Variants in RTN1 observed in about 807,000 individuals in gnomAD.
RTN1 encodes reticulon-1.
A neutral mutation model predicts 65.5 loss-of-function variants in RTN1; 25 were observed. The observed-to-expected ratio is 0.38, with a 90% CI of 0.28 to 0.53. RTN1 has a LOEUF of 0.53. Among genes scored for constraint, RTN1 ranks in the 20% least tolerant of loss-of-function variants. RTN1 has a pLI of 0.79. For synonymous variants in RTN1, 471 were observed against 447.6 expected, an observed-to-expected ratio of 1.05 and a Z score of -0.66; for missense variants, 983 against 1,025.4, an observed-to-expected ratio of 0.96 and a Z score of 0.57.
chr14:59,812,681 A>G (rs1438379408), intron 1 of RTN1, among the ~76,000 whole-genome samples: 2 of 152,232 alleles, frequency 1.3e-5, no homozygotes, highest in Non-Finnish European at 2.9e-5. Flanking sequence ...AGTGTTTCTC[A>G]TGTATGAAAG....
intron 1 of RTN1, among the ~76,000 whole-genome samples, chr14:59,784,819 CTT>C (rs1166277521): frequency 6.6e-6 from 1 of 152,098 alleles, no homozygotes; most frequent in Non-Finnish European, 1.5e-5. Flanking sequence ...ATTAACGACA[CTT>C]TTGCTTCTGT....
Position 59,815,516 on chromosome 14 carries a change from G to A in RTN1, c.241+54874C>T, listed in dbSNP as rs527463610. Among the ~76,000 whole-genome samples, 5 of 152,260 alleles carry A rather than the reference G, an allele frequency of 3.3e-5. No homozygotes were observed. The South Asian group carries it at 8.3e-4, about 25-fold the overall frequency. Reference sequence around the variant, plus strand: ...GTGCTTTCTCTTCACAAGATTCTCAGATGGTAATTTATGCTGTCCTCACCT... The same window carrying A: ...GTGCTTTCTCTTCACAAGATTCTCAAATGGTAATTTATGCTGTCCTCACCT... On this transcript the variant is annotated intron_variant, in intron 1 of 8. Coordinates refer to ENST00000267484, the MANE Select transcript of RTN1 (RefSeq NM_021136.3).
chr14:59,752,323 C>A (rs1275549564), intron 1 of RTN1, among the ~76,000 whole-genome samples: 1 of 152,118 alleles, frequency 6.6e-6, no homozygotes. Context: ...CATCTTTTTG[C>A]TGTAATTTCA....
intron 1 of RTN1, among the ~76,000 whole-genome samples, chr14:59,752,684 G>A (rs1380040438): frequency 6.6e-6 from 1 of 152,012 alleles, no homozygotes; most frequent in Non-Finnish European, 1.5e-5. Context: ...TGATGCTTAT[G>A]TCTGGCACAC....
rs920275728 is a variant in RTN1 at position 59,825,861 on chromosome 14, C to A, written c.241+44529G>T. Among the ~76,000 whole-genome samples the A allele has an allele frequency of 2.0e-5, 3 of 152,192 alleles. No individual in the cohort carries two copies. The highest frequency in any genetic ancestry group is 2.0e-4 in the Admixed American group (3 of 15,286). On this transcript the variant is annotated intron_variant, in intron 1 of 8. Transcript: ENST00000267484. The surrounding 1 kb of genome is among the most constrained non-coding windows in gnomAD (Gnocchi z 4.2). ...CTGAACTCAGACCAGGAGCCTATAA[C>A]CTCGTTACAGGCCACTCACTCCAGG...
intron 3 of RTN1, among the ~76,000 whole-genome samples, chr14:59,648,090 G>A (rs1034278387): frequency 2.6e-5 from 4 of 152,138 alleles, no homozygotes; most frequent in Non-Finnish European, 5.9e-5. Flanking sequence ...AATCAGAAAT[G>A]ACAAATGGGA....
At chr14:59,772,059 C>A (rs1379360194) in intron 1 of RTN1, among the ~76,000 whole-genome samples, 1 of 152,198 alleles carries the variant, frequency 6.6e-6, no homozygotes, top group East Asian at 1.9e-4. Flanking sequence ...AATAGAACAT[C>A]TGAAGACAAT....
chr14:59,767,446 C>T (rs1335938754), intron 1 of RTN1, among the ~76,000 whole-genome samples: 2 of 152,180 alleles, frequency 1.3e-5, no homozygotes, highest in East Asian at 1.9e-4. Flanking sequence ...CTTACCTGAC[C>T]GCTCACCTAC....
intron 8 of RTN1, among the ~76,000 whole-genome samples, chr14:59,601,177 C>T (rs1053527080): frequency 6.6e-6 from 1 of 152,204 alleles, no homozygotes; most frequent in African/African-American, 2.4e-5. Flanking sequence ...AAGCTCTAGA[C>T]ATACTGGTTG....
At chr14:59,759,948 G>A (rs893744644) in intron 1 of RTN1, among the ~76,000 whole-genome samples, 2 of 152,268 alleles carry the variant, frequency 1.3e-5, no homozygotes, top group African/African-American at 4.8e-5. Flanking sequence ...GAGGCAATTT[G>A]GGAATTCCTA....
At chr14:59,814,217 G>A (rs1886779203) in intron 1 of RTN1, among the ~76,000 whole-genome samples, 1 of 152,164 alleles carries the variant, frequency 6.6e-6, no homozygotes, top group Non-Finnish European at 1.5e-5. Flanking sequence ...CACATTAGCA[G>A]AAAAATACCC....
chr14:59,673,373 G>A (rs370450744), intron 3 of RTN1, among the ~76,000 whole-genome samples: 12 of 152,164 alleles, frequency 7.9e-5, no homozygotes, highest in Admixed American at 2.0e-4. Context: ...AGGCAAATGC[G>A]GGTGTGTTAC....
chr14:59,777,377 A>G (rs996609991), intron 1 of RTN1, among the ~76,000 whole-genome samples: 2 of 152,144 alleles, frequency 1.3e-5, no homozygotes, highest in Non-Finnish European at 2.9e-5. Context: ...TTACTCATCA[A>G]TTGGAAATAG....
At position 59,829,793 on chromosome 14, in the gene RTN1, CACA is replaced by C. The variant is rs72024672; in HGVS notation, c.241+40594_241+40596del. ...TTAAAACTTTTACCCTGAAGAGGCA[CACA>C]ACATTTCCACTCCTGTTTCATTAGC... On this transcript the variant is annotated intron_variant, in intron 1 of 8. Coordinates refer to ENST00000267484, the MANE Select transcript of RTN1 (RefSeq NM_021136.3). This position sits in a 1 kb window ranked among gnomAD's most constrained non-coding sequence, Gnocchi z 4.3. Among the ~76,000 whole-genome samples the C allele has an allele frequency of 0.018, 2,777 of 152,260 alleles. 51 individuals carry two copies. The highest frequency in any genetic ancestry group is 0.054 in the African/African-American group (2,237 of 41,530).
In RTN1 at chr14:59,870,014, CA is replaced by C. The variant is rs1187544915; in HGVS notation, c.241+375del. On this transcript the variant is annotated intron_variant, in intron 1 of 8. Coordinates refer to ENST00000267484, the MANE Select transcript of RTN1 (RefSeq NM_021136.3). This position sits in a 1 kb window ranked among gnomAD's most constrained non-coding sequence, Gnocchi z 5.1. ...GCACACTGCGCGCAAACACGCCCCCCAAAATCCCCACAACCTGTCAAACGGG... is the reference window on the plus strand; with the variant it reads ...GCACACTGCGCGCAAACACGCCCCCCAAATCCCCACAACCTGTCAAACGGG... 1.3e-5 allele frequency among the ~76,000 whole-genome samples: 2 copies of C among 152,148 alleles called. No individual in the cohort carries two copies. The highest frequency in any genetic ancestry group is 2.9e-5 in the Non-Finnish European group (2 of 68,018).
chr14:59,832,991 C>T (rs1479467138), intron 1 of RTN1, among the ~76,000 whole-genome samples: 1 of 152,098 alleles, frequency 6.6e-6, no homozygotes, highest in East Asian at 1.9e-4. Flanking sequence ...GAAGATTGTG[C>T]CTTATTTATT....
chr14:59,603,799 G>T (rs377325291), intron 6 of RTN1, 53 bp downstream of exon 6: 412 of 1,429,960 alleles, frequency 2.9e-4, no homozygotes, highest in Non-Finnish European at 3.8e-4. Flanking sequence ...CTAGGAAGCA[G>T]CGTTTTCACA....
intron 4 of RTN1, among the ~76,000 whole-genome samples, chr14:59,607,029 T>C (rs1205393711): frequency 6.6e-6 from 1 of 152,248 alleles, no homozygotes; most frequent in Non-Finnish European, 1.5e-5. Flanking sequence ...TAAGTAATTG[T>C]TGGATTATGA....
In RTN1 at chr14:59,749,328, C is replaced by A. The variant is rs1234824047; in HGVS notation, c.242-2847G>T. ...TATATCTATATATATATCTATATAT[C>A]TATATATATCTATATATATCTATAT... On this transcript the variant is annotated intron_variant, in intron 1 of 8. Transcript: ENST00000267484. 2.1e-3 allele frequency among the ~76,000 whole-genome samples: 42 copies of A among 19,768 alleles called. 11 individuals carry two copies. The highest frequency in any genetic ancestry group is 0.015 in the African/African-American group (31 of 2,118). The allele number at this position is 19,768 out of a possible 152,430, so 13.0% of individuals were successfully genotyped here. A position where few individuals can be genotyped will look rare whatever the true frequency, so the allele number is the denominator to read the frequency against.
Sources: gnomAD v4.1 joint callset for allele counts (sites outside exome capture counted in the v4.1 genomes callset) on GRCh38, gnomAD v4.1.1 for gene constraint, Gnocchi (gnomAD v3.1) non-coding constraint, MANE v1.5 for transcripts, NCBI Gene and HGNC (gene_info 2026-07-23, HGNC 2026-07-21) for gene names.